ZBTB46: variants seen among roughly 807,000 people sequenced by gnomAD.
The protein encoded by ZBTB46 is zinc finger and BTB domain containing 46.
Under a neutral mutation model 44.1 loss-of-function variants are expected in ZBTB46, and 8 were observed. That is an observed-to-expected ratio of 0.18 (90% CI 0.11 to 0.33). The LOEUF is 0.33. Ranked by LOEUF, ZBTB46 falls within the 10% of genes least tolerant of loss-of-function variation. The probability of loss-of-function intolerance (pLI) is 1.00; values close to 1 mark genes in which losing one functional copy is unlikely to be tolerated. For missense variants in ZBTB46, 651 were observed against 847.7 expected (o/e 0.77, Z 2.88); for synonymous variants, 409 against 382.3 (o/e 1.07, Z -0.81).
chr20:63,792,378 C>T (rs1481513282), intron 1 of ZBTB46, among the ~76,000 whole-genome samples: 3 of 152,114 alleles, frequency 2.0e-5, no homozygotes, highest in Non-Finnish European at 4.4e-5. Context: ...GGGAGTATTA[C>T]ATGTCCTTCC....
chr20:63,831,313 CGCCCCGCCCGCGGACCCTG>C (rs2092850605), upstream of ZBTB46: 2 of 138,304 alleles, frequency 1.4e-5, no homozygotes, highest in South Asian at 2.2e-4. Context: ...CGCGCGCGCG[CGCCCCGCCCGCGGACCCTG>C]ACCCCGCCCC....
rs764557406 is a variant in ZBTB46, at chr20:63,790,116, C to G, written c.642G>C (p.Gln214His). ...AGCCCACGTCTCCAGGCCATAGAGG[C>G]TGTGAAGAAACATCATCAGGGCCAT... ...KADGPDDVSS[Q>H]PLWPGDVGYG... Residue 214 changes from glutamine (Q) to histidine (H), a missense_variant, in exon 2 of 5, where the codon CAG (glutamine) becomes CAC (histidine). Physicochemically the swap from Gln to His is conservative, Grantham distance 24 (BLOSUM62 0). Around this residue, in one of 5 missense-constraint regions of ZBTB46, gnomAD observed 385 missense variants for 423.3 expected, o/e 0.91. Coordinates refer to ENST00000245663, the MANE Select transcript of ZBTB46 (RefSeq NM_001369741.1). 5.6e-6 allele frequency: 9 copies of G among 1,614,028 alleles called. No individual in the cohort carries two copies. In the South Asian group the frequency reaches 7.7e-5, roughly 14 times the overall value.
Position 63,803,856 on chromosome 20 carries a change from C to T in ZBTB46, c.-33-13066G>A, listed in dbSNP as rs35490707. Reference sequence around the variant, plus strand: ...CTGAGCAGCTGGGACCACAGGGGCACGCCACCACACGGGCTAATTTTTTTG... The same window carrying T: ...CTGAGCAGCTGGGACCACAGGGGCATGCCACCACACGGGCTAATTTTTTTG... On this transcript the variant is annotated intron_variant, in intron 1 of 4. Transcript: ENST00000245663. The surrounding 1 kb of genome is among the most constrained non-coding windows in gnomAD (Gnocchi z 4.0). Among the ~76,000 whole-genome samples, 24,663 of 152,172 alleles carry T rather than the reference C, an allele frequency of 0.16. 2,437 individuals carry two copies. The highest frequency in any genetic ancestry group is 0.22 in the Non-Finnish European group (15,192 of 67,976).
intron 1 of ZBTB46, among the ~76,000 whole-genome samples, chr20:63,816,889 G>A (rs1408652360): frequency 6.6e-6 from 1 of 152,116 alleles, no homozygotes; most frequent in Non-Finnish European, 1.5e-5. Context: ...CAGATCATCT[G>A]AGGTCAGGAG....
At chr20:63,755,136 A>G (rs918815699) in intron 3 of ZBTB46, among the ~76,000 whole-genome samples, 1 of 152,250 alleles carries the variant, frequency 6.6e-6, no homozygotes, top group African/African-American at 2.4e-5. Flanking sequence ...CCCAGGGCAG[A>G]GCCGCAGCTG....
chr20:63,780,568 T>C (rs1200892345), intron 2 of ZBTB46, among the ~76,000 whole-genome samples: 1 of 151,946 alleles, frequency 6.6e-6, no homozygotes, highest in Non-Finnish European at 1.5e-5. Context: ...TCTCGGAGGC[T>C]GAGGCGGGCG....
Position 63,831,209 on chromosome 20 carries a change from C to A in ZBTB46, c.-146G>T, listed in dbSNP as rs1258343841. ...CGTCCGGGCGGGTCCGAGCTGCGCG[C>A]TCGCCGGGGCTGCTCGGTCCGTCCG... On this transcript the variant is annotated 5_prime_UTR_variant, in exon 1 of 5. Coordinates refer to ENST00000245663, the MANE Select transcript of ZBTB46 (RefSeq NM_001369741.1). The A allele has an allele frequency of 7.7e-5, 11 of 142,440 alleles. No homozygotes were observed. Among genetic ancestry groups the A allele is most frequent in the African/African-American group, 2.5e-4 (10 of 39,696 alleles). 8.8% of individuals were successfully genotyped at this position (142,440 alleles called of 1,614,324 possible).
chr20:63,784,413 C>A (rs932518517), intron 2 of ZBTB46, among the ~76,000 whole-genome samples: 1 of 152,252 alleles, frequency 6.6e-6, no homozygotes, highest in Non-Finnish European at 1.5e-5. Context: ...AAAATCCCAA[C>A]ATGTCAAGCT....
intron 2 of ZBTB46, among the ~76,000 whole-genome samples, chr20:63,778,210 TAAC>T (rs918541150): frequency 2.6e-5 from 4 of 152,196 alleles, no homozygotes; most frequent in Non-Finnish European, 5.9e-5. Flanking sequence ...AGCTTCTATT[TAAC>T]AACAACAACA....
intron 1 of ZBTB46, among the ~76,000 whole-genome samples, chr20:63,793,189 C>T (rs1042340920): frequency 5.9e-5 from 9 of 152,218 alleles, no homozygotes; most frequent in Non-Finnish European, 1.0e-4. Flanking sequence ...CACACTGGCC[C>T]CGGGCTTGAG....
intron 3 of ZBTB46, among the ~76,000 whole-genome samples, chr20:63,766,233 G>C (rs1310151390): frequency 1.9e-5 from 1 of 52,224 alleles, no homozygotes; most frequent in African/African-American, 6.4e-5. Context: ...TTTTTTTTTT[G>C]AGAGGGAGTT....
Position 63,746,809 on chromosome 20 carries a change from G to C in ZBTB46, c.*121C>G. The C allele has an allele frequency of 2.2e-6, 3 of 1,390,152 alleles. No individual in the cohort carries two copies. The South Asian group carries it at 4.7e-5, about 22-fold the overall frequency. 86.1% of individuals were successfully genotyped at this position (1,390,152 alleles called of 1,614,324 possible). ...GGTTTCCGTGGGGGGTGGGTTCAGG[G>C]GGAAGCAGAGGAGGGGCCGCGAGAG... On this transcript the variant is annotated 3_prime_UTR_variant, in exon 5 of 5. Coordinates refer to ENST00000245663, the MANE Select transcript of ZBTB46 (RefSeq NM_001369741.1).
At chr20:63,802,300 G>A (rs189934447) in intron 1 of ZBTB46, among the ~76,000 whole-genome samples, 1 of 152,150 alleles carries the variant, frequency 6.6e-6, no homozygotes, top group East Asian at 1.9e-4. Flanking sequence ...GCGCACGTCT[G>A]TAATCCCAGC....
chr20:63,801,435 T>A lies in ZBTB46; in HGVS notation c.-33-10645A>T, dbSNP rs535924457. Among the ~76,000 whole-genome samples the A allele has an allele frequency of 4.7e-4, 72 of 152,284 alleles. 2 individuals carry two copies. Among genetic ancestry groups the A allele is most frequent in the Non-Finnish European group, 2.9e-5 (2 of 68,010 alleles). On this transcript the variant is annotated intron_variant, in intron 1 of 4. Coordinates refer to ENST00000245663, the MANE Select transcript of ZBTB46 (RefSeq NM_001369741.1). Reference sequence around the variant, plus strand: ...CTAAAACAGACCAATCAGCTCTCTGTAAAATGGACCAATCAGCAAGATGTG... The same window carrying A: ...CTAAAACAGACCAATCAGCTCTCTGAAAAATGGACCAATCAGCAAGATGTG...
chr20:63,768,239 G>A (rs1453849100), intron 3 of ZBTB46: 12 of 631,246 alleles, frequency 1.9e-5, no homozygotes, highest in Admixed American at 6.3e-5. Context: ...ACTCGTGTGG[G>A]AATAGCAATT....
intron 2 of ZBTB46, among the ~76,000 whole-genome samples, chr20:63,781,819 C>T (rs1161276665): frequency 6.6e-6 from 1 of 151,348 alleles, no homozygotes; most frequent in Non-Finnish European, 1.5e-5. Flanking sequence ...GGCGCGGTGG[C>T]TCACGCCTGT....
intron 3 of ZBTB46, among the ~76,000 whole-genome samples, chr20:63,774,071 CCA>C (rs1387726491): frequency 8.2e-5 from 6 of 72,856 alleles, no homozygotes; most frequent in African/African-American, 3.4e-4. Context: ...CCCCCCCCCC[CCA>C]GTTTTTCAGA....
Position 63,803,304 on chromosome 20 carries a change from C to T in ZBTB46, c.-33-12514G>A, listed in dbSNP as rs1358702045. 1.9e-5 allele frequency: 19 copies of T among 984,770 alleles called. No individual in the cohort carries two copies. The highest frequency in any genetic ancestry group is 6.2e-5 in the Admixed American group (1 of 16,254). 61.0% of individuals were successfully genotyped at this position (984,770 alleles called of 1,614,324 possible). A position where few individuals can be genotyped will look rare whatever the true frequency, so the allele number is the denominator to read the frequency against. Reference sequence around the variant, plus strand: ...TAAGACATGAATACTGTGAAACTGTCGTACAAATTAAATTTCATATACATC... The same window carrying T: ...TAAGACATGAATACTGTGAAACTGTTGTACAAATTAAATTTCATATACATC... On this transcript the variant is annotated intron_variant, in intron 1 of 4. Coordinates refer to ENST00000245663, the MANE Select transcript of ZBTB46 (RefSeq NM_001369741.1). The surrounding 1 kb of genome is among the most constrained non-coding windows in gnomAD (Gnocchi z 4.0).
chr20:63,801,467 G>C (rs2092644180), intron 1 of ZBTB46, among the ~76,000 whole-genome samples: 1 of 152,206 alleles, frequency 6.6e-6, no homozygotes, highest in African/African-American at 2.4e-5. Context: ...TGTGGGTGGG[G>C]CCAGGTAAGG....
Sources: allele counts gnomAD v4.1 joint callset (sites outside exome capture counted in the v4.1 genomes callset), GRCh38; gene constraint gnomAD v4.1.1; regional missense constraint gnomAD v4.1.1; non-coding constraint Gnocchi (gnomAD v3.1); transcripts MANE v1.5; gene names NCBI Gene and HGNC (gene_info 2026-07-23, HGNC 2026-07-21).